RPP30: variants seen among roughly 807,000 people sequenced by gnomAD.
RPP30 encodes ribonuclease P protein subunit p30.
In RPP30, 36 loss-of-function variants were observed where a neutral mutation model predicts 38.6. The ratio of observed to expected loss-of-function variants is 0.93; its 90% confidence interval spans 0.71 to 1.23. The LOEUF is 1.23. Ranked by LOEUF, RPP30 falls within the 50% of genes most tolerant of loss-of-function variation. RPP30 has a pLI of 0.00. For missense variants in RPP30, 321 were observed against 321.7 expected (o/e 1.00, Z 0.02); for synonymous variants, 126 against 112.7 (o/e 1.12, Z -0.75).
intron 2 of RPP30, 68 bp from the exon 3 acceptor site, chr10:90,875,490 A>G: frequency 7.9e-7 from 1 of 1,263,616 alleles, no homozygotes; most frequent in Non-Finnish European, 1.1e-6. Context: ...AACACCTCGT[A>G]ATTTTTCCAT....
intron 5 of RPP30, among the ~76,000 whole-genome samples, chr10:90,880,882 T>C (rs1160488251): frequency 6.6e-6 from 1 of 152,176 alleles, no homozygotes; most frequent in Non-Finnish European, 1.5e-5. Context: ...TTCCAGTAGA[T>C]TTGGGGTTGA....
intron 10 of RPP30, 61 bp from the exon 11 acceptor site, chr10:90,900,509 C>A: frequency 6.5e-7 from 1 of 1,526,836 alleles, no homozygotes. Context: ...ATATGTTAAA[C>A]CACCTCATTT....
chr10:90,900,466 G>T lies in RPP30; in HGVS notation c.698-104G>T, dbSNP rs1035311238. The T allele has an allele frequency of 7.9e-6, 9 of 1,142,222 alleles. No homozygotes were observed. The Admixed American group carries it at 1.8e-4, about 23-fold the overall frequency. The allele number at this position is 1,142,222 out of a possible 1,614,324, so 70.8% of individuals were successfully genotyped here. On this transcript the variant is annotated intron_variant, in intron 10 of 10. Transcript: ENST00000371703. ...CTAGCAGCCATAGCAGTTCATTATG[G>T]CTTATCATTTGCTATTGCTGTAAGC...
At chr10:90,872,505 T>G (rs1589491912) in intron 1 of RPP30, among the ~76,000 whole-genome samples, 1 of 151,220 alleles carries the variant, frequency 6.6e-6, no homozygotes, top group Non-Finnish European at 1.5e-5. Context: ...GACGTGGGAG[T>G]GTTGGAACAA....
chr10:90,886,745 C>G (rs2120205744), intron 6 of RPP30, among the ~76,000 whole-genome samples: 1 of 152,304 alleles, frequency 6.6e-6, no homozygotes, highest in South Asian at 2.1e-4. Context: ...TTAGCAAATA[C>G]AGTCAAAATT....
rs951743316 is a variant in RPP30 at position 90,894,884 on chromosome 10, A to C, written c.542A>C (p.Lys181Thr). The C allele has an allele frequency of 1.3e-6, 2 of 1,596,492 alleles. No homozygotes were observed. Among genetic ancestry groups the C allele is most frequent in the Non-Finnish European group, 1.7e-6 (2 of 1,164,224 alleles). Residue 181 changes from lysine to threonine, a missense_variant, in exon 7 of 11, where the codon AAA (lysine) becomes ACA (threonine). Lys to Thr is a moderately conservative substitution (Grantham distance 78). Coordinates refer to ENST00000371703, the MANE Select transcript of RPP30 (RefSeq NM_006413.5). ...GCCCTCAATTTGATGCAAATCTGCAAAGGAAAGGTATGGTTCTATAATTTT... is the reference window on the plus strand; with the variant it reads ...GCCCTCAATTTGATGCAAATCTGCACAGGAAAGGTATGGTTCTATAATTTT... Reference protein sequence around the residue: ...SSALNLMQICKGKNVIISSAA... With the variant: ...SSALNLMQICTGKNVIISSAA...
intron 7 of RPP30, 158 bp from the exon 8 acceptor site, chr10:90,895,296 G>A: frequency 2.0e-6 from 1 of 511,694 alleles, no homozygotes; most frequent in Non-Finnish European, 3.4e-6. Context: ...TTGACATGAA[G>A]TCTTTTCATT....
rs577470288 is a variant in RPP30, at chr10:90,872,055, G to C, written c.69G>C (p.Glu23Asp). 68 of 1,614,038 alleles carry C rather than the reference G, an allele frequency of 4.2e-5. No homozygotes were observed. The highest frequency in any genetic ancestry group is 1.6e-4 in the Middle Eastern group (1 of 6,084). ...TGAAGGCTCTGCGCGGACTTGTGGA[G>C]ACAGCCGCTCACCGTGAGTTGCCCC... ...SDLKALRGLV[E>D]TAAHLGYSVV... The change falls in exon 1 of 11, where the codon GAG (glutamate) becomes GAC (aspartate). Residue 23 changes from glutamate to aspartate, a missense_variant. Coordinates refer to ENST00000371703, the MANE Select transcript of RPP30 (RefSeq NM_006413.5).
At chr10:90,890,509 G>T (rs537721980) in intron 6 of RPP30, among the ~76,000 whole-genome samples, 205 of 152,236 alleles carry the variant, frequency 1.3e-3, no homozygotes, top group African/African-American at 4.6e-3. Context: ...ACTGAGAGAT[G>T]TTTAGTAAGT....
chr10:90,895,933 T>C lies in RPP30; in HGVS notation c.617+16T>C. 6.3e-7 allele frequency: 1 copy of C among 1,589,020 alleles called. No individual in the cohort carries two copies. Among genetic ancestry groups the C allele is most frequent in the Non-Finnish European group, 8.6e-7 (1 of 1,165,202 alleles). ...TGGCAAATCTGTATCCTTTTCTGAG[T>C]AAAAAGTTGTTGACATTGTCTTTCA... On this transcript the variant is annotated intron_variant, in intron 9 of 10. Transcript: ENST00000371703.
chr10:90,904,856 T>C (rs919708638), downstream of RPP30, among the ~76,000 whole-genome samples: 1 of 152,180 alleles, frequency 6.6e-6, no homozygotes, highest in Non-Finnish European at 1.5e-5. Context: ...TACTTCATTA[T>C]ATTAATTTAA....
At chr10:90,878,982 T>C in intron 4 of RPP30, 81 bp from the exon 5 acceptor site, 10 of 1,150,982 alleles carry the variant, frequency 8.7e-6, no homozygotes, top group Non-Finnish European at 1.3e-5. Context: ...GATTGAAATA[T>C]AAGTGTGAGT....
chr10:90,883,482 T>C (rs889586690), intron 5 of RPP30, among the ~76,000 whole-genome samples: 12 of 152,194 alleles, frequency 7.9e-5, no homozygotes, highest in African/African-American at 2.9e-4. Flanking sequence ...TCTAAAAGTA[T>C]TGATTGAACA....
chr10:90,879,248 A>G (rs1589494956), intron 5 of RPP30, 114 bp downstream of exon 5: 2 of 770,690 alleles, frequency 2.6e-6, no homozygotes, highest in East Asian at 5.4e-5. Context: ...AGGATTTGTT[A>G]TTTATACTTG....
chr10:90,892,587 A>G (rs1847095562), intron 6 of RPP30, among the ~76,000 whole-genome samples: 1 of 152,166 alleles, frequency 6.6e-6, no homozygotes, highest in South Asian at 2.1e-4. Context: ...TTCGAGATCT[A>G]AGCATCCAAC....
chr10:90,872,114 A>C (rs1393465996), intron 1 of RPP30, 46 bp downstream of exon 1: 2 of 1,491,838 alleles, frequency 1.3e-6, no homozygotes, highest in East Asian at 4.5e-5. Flanking sequence ...TGCCACCCAG[A>C]CCATCGGGCC....
At chr10:90,876,375 G>A (rs1482704910) in intron 4 of RPP30, among the ~76,000 whole-genome samples, 1 of 152,132 alleles carries the variant, frequency 6.6e-6, no homozygotes, top group South Asian at 2.1e-4. Flanking sequence ...GTGCTGGGGG[G>A]TATTGCCATG....
chr10:90,872,308 G>C (rs950418586), intron 1 of RPP30, among the ~76,000 whole-genome samples: 1 of 152,192 alleles, frequency 6.6e-6, no homozygotes, highest in Non-Finnish European at 1.5e-5. Flanking sequence ...GGCCTAACGA[G>C]GGCGAGGGAT....
chr10:90,874,448 G>C (rs1340417055), intron 1 of RPP30, among the ~76,000 whole-genome samples: 3 of 152,226 alleles, frequency 2.0e-5, no homozygotes, highest in African/African-American at 7.2e-5. Context: ...GTAGGAACTT[G>C]ATGGGATAAA....
Sources: allele counts gnomAD v4.1 joint callset (sites outside exome capture counted in the v4.1 genomes callset), GRCh38; gene constraint gnomAD v4.1.1; transcripts MANE v1.5; gene names NCBI Gene and HGNC (gene_info 2026-07-23, HGNC 2026-07-21).